Variants in MCCC1 observed in about 807,000 individuals in gnomAD.
The protein encoded by MCCC1 is methylcrotonyl-CoA carboxylase subunit 1.
A neutral mutation model predicts 83.8 loss-of-function variants in MCCC1; 64 were observed. The ratio of observed to expected loss-of-function variants is 0.76; its 90% CI spans 0.62 to 0.94. MCCC1 has a LOEUF of 0.94. Ranked by LOEUF, MCCC1 falls within the 40% of genes least tolerant of loss-of-function variation. MCCC1 has a pLI of 0.00. For missense variants in MCCC1, 807 were observed against 904.7 expected, an observed-to-expected ratio of 0.89 and a Z score of 1.39; for synonymous variants, 322 against 315.4, an observed-to-expected ratio of 1.02 and a Z score of -0.22.
At position 183,045,481 on chromosome 3, in the gene MCCC1, T is replaced by G; in HGVS notation, c.1015A>C (p.Arg339=). ...HNFCFMEMNT[R]LQVEHPVTEM... ...GTAACAGGATGTTCCACTTGCAGCC[T>G]TGTATTCATCTCCATGAAACAGAAA... The change falls in exon 10 of 19, where the codon AGG becomes CGG. Residue 339 remains arginine (R), a synonymous_variant. Coordinates refer to ENST00000265594, the MANE Select transcript of MCCC1 (RefSeq NM_020166.5). 6.2e-7 allele frequency: 1 copy of G among 1,614,154 alleles called. No individual in the cohort carries two copies. Among genetic ancestry groups the G allele is most frequent in the Non-Finnish European group, 8.5e-7 (1 of 1,179,970 alleles).
chr3:183,018,501 C>T (rs188996083), intron 17 of MCCC1, among the ~76,000 whole-genome samples: 5 of 143,348 alleles, frequency 3.5e-5, no homozygotes, highest in African/African-American at 1.3e-4. Flanking sequence ...CAGAGGCCTA[C>T]AGCCCAAATG....
At chr3:183,048,070 A>G (rs1714684977) in intron 9 of MCCC1, among the ~76,000 whole-genome samples, 1 of 152,200 alleles carries the variant, frequency 6.6e-6, no homozygotes, top group Admixed American at 6.5e-5. Context: ...TTTCAGCTGC[A>G]TTTTAATCTT....
intron 10 of MCCC1, among the ~76,000 whole-genome samples, chr3:183,042,823 T>C (rs1714201241): frequency 1.3e-5 from 2 of 152,198 alleles, no homozygotes; most frequent in Admixed American, 1.3e-4. Context: ...ATGTTACCTA[T>C]TATCATTCCA....
chr3:183,048,720 A>C (rs1714737697), intron 9 of MCCC1, among the ~76,000 whole-genome samples: 1 of 152,226 alleles, frequency 6.6e-6, no homozygotes, highest in African/African-American at 2.4e-5. Context: ...CTAAGGACAT[A>C]GTTGAATTCA....
intron 10 of MCCC1, among the ~76,000 whole-genome samples, chr3:183,044,551 T>A (rs1714380538): frequency 6.6e-6 from 1 of 152,200 alleles, no homozygotes; most frequent in South Asian, 2.1e-4. Context: ...TCTCCTTGGC[T>A]CTTCATTCCC....
rs1711891301 is a variant in MCCC1 at position 183,018,639 on chromosome 3, C to T, written c.1978-1302G>A. Among the ~76,000 whole-genome samples the T allele has an allele frequency of 1.3e-5, 2 of 151,998 alleles. 1 individual carries two copies. Among genetic ancestry groups the T allele is most frequent in the South Asian group, 4.1e-4 (2 of 4,826 alleles). Reference sequence around the variant, plus strand: ...GTTTTACTTGAATCACATGAATATACTCCATGTATTTTGAAATCCTTTCAT... The same window carrying T: ...GTTTTACTTGAATCACATGAATATATTCCATGTATTTTGAAATCCTTTCAT... On this transcript the variant is annotated intron_variant, in intron 17 of 18. Coordinates refer to ENST00000265594, the MANE Select transcript of MCCC1 (RefSeq NM_020166.5).
rs538416098 is a variant in MCCC1 at position 183,086,509 on chromosome 3, G to T, written c.369+184C>A. Among the ~76,000 whole-genome samples the T allele has an allele frequency of 1.6e-4, 25 of 152,238 alleles. 1 individual carries two copies. The East Asian group carries it at 2.1e-3, about 13-fold the overall frequency. On this transcript the variant is annotated intron_variant, in intron 4 of 18. Coordinates refer to ENST00000265594, the MANE Select transcript of MCCC1 (RefSeq NM_020166.5). ...TTCCCAAAGGATCTAAAGTACACAG[G>T]ATCCAGTAAAAAGGCAGACTGGCTG...
upstream of MCCC1, chr3:183,099,568 T>A: frequency 9.0e-7 from 1 of 1,113,668 alleles, no homozygotes; most frequent in Non-Finnish European, 1.3e-6. Flanking sequence ...GAGCCTACCT[T>A]TGGGCTGATC....
chr3:183,113,566 A>G (rs1719536899), intron 1 of MCCC1, among the ~76,000 whole-genome samples: 1 of 151,558 alleles, frequency 6.6e-6, no homozygotes, highest in South Asian at 2.1e-4. Context: ...AAGTATAATA[A>G]TAAAAATAAA....
chr3:183,029,264 T>C (rs1433683759), intron 14 of MCCC1: 3 of 152,222 alleles, frequency 2.0e-5, no homozygotes, highest in African/African-American at 7.2e-5. Context: ...ATCATTTTGA[T>C]GCTGCCAGCT....
At chr3:183,048,760 G>C (rs369227170) in intron 9 of MCCC1, among the ~76,000 whole-genome samples, 2 of 152,288 alleles carry the variant, frequency 1.3e-5, no homozygotes, top group African/African-American at 2.4e-5. Context: ...GGATACAACT[G>C]TCATCTATAG....
intron 1 of MCCC1, among the ~76,000 whole-genome samples, chr3:183,104,817 T>C (rs2108583401): frequency 6.6e-6 from 1 of 152,298 alleles, no homozygotes; most frequent in Non-Finnish European, 1.5e-5. Context: ...TAGTGAGGGG[T>C]GTGGGAATAT....
At chr3:183,089,618 A>T (rs1247801844) in intron 3 of MCCC1, among the ~76,000 whole-genome samples, 1 of 152,162 alleles carries the variant, frequency 6.6e-6, no homozygotes, top group Non-Finnish European at 1.5e-5. Flanking sequence ...TGGCTCAAAA[A>T]AAAAGGTGAC....
chr3:183,093,242 C>T (rs2108567600), intron 2 of MCCC1, among the ~76,000 whole-genome samples: 1 of 152,234 alleles, frequency 6.6e-6, no homozygotes, highest in African/African-American at 2.4e-5. Context: ...AGGTCCTGTG[C>T]TAAAGACTCA....
At chr3:183,019,626 T>C (rs999086530) in intron 17 of MCCC1, among the ~76,000 whole-genome samples, 3 of 152,228 alleles carry the variant, frequency 2.0e-5, no homozygotes, top group African/African-American at 7.2e-5. Context: ...CAGTCTATGG[T>C]ATTCTGTTCT....
upstream of MCCC1, among the ~76,000 whole-genome samples, chr3:183,102,781 T>A (rs993203390): frequency 8.8e-6 from 1 of 113,424 alleles, no homozygotes; most frequent in African/African-American, 3.5e-5. Flanking sequence ...TTTTTTTTTT[T>A]TTTTTTTTTT....
chr3:183,020,452 C>T (rs747642497), intron 16 of MCCC1, among the ~76,000 whole-genome samples: 1 of 151,700 alleles, frequency 6.6e-6, no homozygotes, highest in African/African-American at 2.4e-5. Context: ...GGCAATATAG[C>T]GAAACCTCAT....
At chr3:183,034,405 T>G (rs1475693393) in intron 13 of MCCC1, among the ~76,000 whole-genome samples, 1 of 140,642 alleles carries the variant, frequency 7.1e-6, no homozygotes, top group Non-Finnish European at 1.5e-5. Flanking sequence ...GAGCCAAGAT[T>G]GCGCCACTGC....
At chr3:183,063,150 A>G (rs1436767895) in intron 7 of MCCC1, among the ~76,000 whole-genome samples, 3 of 143,776 alleles carry the variant, frequency 2.1e-5, no homozygotes, top group African/African-American at 5.2e-5. Context: ...CACCTGGCTA[A>G]TTTTTTGTAT....
Sources: allele counts gnomAD v4.1 joint callset (sites outside exome capture counted in the v4.1 genomes callset), GRCh38; gene constraint gnomAD v4.1.1; transcripts MANE v1.5; gene names NCBI Gene and HGNC (gene_info 2026-07-23, HGNC 2026-07-21).